Variants in EXTL3 observed in about 807,000 individuals in gnomAD.
The protein encoded by EXTL3 is exostosin-like 3.
Under a neutral mutation model 69.3 loss-of-function variants are expected in EXTL3, and 27 were observed. The ratio of observed to expected loss-of-function variants is 0.39; its 90% CI spans 0.29 to 0.54. The LOEUF (loss-of-function observed/expected upper bound fraction) is 0.54. EXTL3 is among the 20% of genes least tolerant of loss of function. The pLI, the probability that EXTL3 is intolerant of heterozygous loss-of-function variation, is 0.69. For synonymous variants in EXTL3, 511 were observed against 499.4 expected (o/e 1.02, Z -0.31); for missense variants, 1,003 against 1,231.8 (o/e 0.81, Z 2.78).
intron 1 of EXTL3, among the ~76,000 whole-genome samples, chr8:28,674,872 A>G (rs1807354148): frequency 1.3e-5 from 2 of 152,094 alleles, no homozygotes; most frequent in South Asian, 4.1e-4. Context: ...GAGAGGATGA[A>G]GCCTGCATTG....
At chr8:28,652,827 G>A (rs1388507864) in intron 1 of EXTL3, among the ~76,000 whole-genome samples, 1 of 152,064 alleles carries the variant, frequency 6.6e-6, no homozygotes, top group Non-Finnish European at 1.5e-5. Context: ...AGAAATGTCT[G>A]TTCAAGCTCT....
intron 3 of EXTL3, among the ~76,000 whole-genome samples, chr8:28,729,510 C>T (rs1801488062): frequency 7.4e-6 from 1 of 134,982 alleles, no homozygotes; most frequent in African/African-American, 2.8e-5. Flanking sequence ...GCAGGAGAAT[C>T]ACTTGAACTC....
intron 1 of EXTL3, among the ~76,000 whole-genome samples, chr8:28,642,591 C>T (rs73564737): frequency 0.023 from 3,520 of 151,866 alleles, 129 homozygotes; most frequent in African/African-American, 0.081. Flanking sequence ...GTACTCCAGT[C>T]GGGGAGACAG....
intron 1 of EXTL3, among the ~76,000 whole-genome samples, chr8:28,644,701 A>G (rs1340631826): frequency 6.6e-6 from 1 of 152,216 alleles, no homozygotes; most frequent in Non-Finnish European, 1.5e-5. Context: ...AAAGTAAATT[A>G]AAATGTTCAA....
intron 3 of EXTL3, among the ~76,000 whole-genome samples, chr8:28,721,014 A>G (rs1326179623): frequency 2.6e-5 from 4 of 152,166 alleles, no homozygotes; most frequent in Non-Finnish European, 5.9e-5. Context: ...AGGATATATC[A>G]GTGGTTTTCA....
chr8:28,684,884 A>G lies in EXTL3; in HGVS notation c.-52-28573A>G, dbSNP rs115367774. 9.8e-3 allele frequency among the ~76,000 whole-genome samples: 867 copies of G among 88,548 alleles called. 9 individuals are homozygous for G. The highest frequency in any genetic ancestry group is 0.035 in the African/African-American group (815 of 23,410). The allele number at this position is 88,548 out of a possible 152,430, so 58.1% of individuals were successfully genotyped here. A position where few individuals can be genotyped will look rare whatever the true frequency, so the allele number is the denominator to read the frequency against. ...TCTCTCTCTAGACACACATACGAAC[A>G]CAGACTATTTATCTGAAACATTTTA... On this transcript the variant is annotated intron_variant, in intron 1 of 6. Transcript: ENST00000523149.
intron 1 of EXTL3, among the ~76,000 whole-genome samples, chr8:28,683,470 G>A (rs890312401): frequency 6.6e-6 from 1 of 151,996 alleles, no homozygotes; most frequent in Non-Finnish European, 1.5e-5. Flanking sequence ...TATCCTTTAT[G>A]TTTCAAACAA....
chr8:28,621,587 A>G (rs968037645), upstream of EXTL3, among the ~76,000 whole-genome samples: 2 of 152,230 alleles, frequency 1.3e-5, no homozygotes, highest in African/African-American at 2.4e-5. Flanking sequence ...CAGACAAGCA[A>G]AATTGTCATA....
At chr8:28,700,109 T>G (rs915517611), upstream of EXTL3, 1 of 152,044 alleles carries the variant, frequency 6.6e-6, no homozygotes, top group Non-Finnish European at 1.5e-5. Flanking sequence ...TTTCCTGCAA[T>G]ACTTCTGATT....
At chr8:28,659,933 C>T (rs1189998807) in intron 1 of EXTL3, among the ~76,000 whole-genome samples, 2 of 152,086 alleles carry the variant, frequency 1.3e-5, no homozygotes, top group African/African-American at 4.8e-5. Flanking sequence ...CTTGAATATC[C>T]CCTGAAAGAA....
upstream of EXTL3, chr8:28,701,449 GC>G (rs1248630195): frequency 6.6e-6 from 1 of 151,854 alleles, no homozygotes; most frequent in African/African-American, 2.4e-5. Flanking sequence ...CCGCGCCCCC[GC>G]TCGCGAACGC....
At chr8:28,718,364 G>T (rs1422079364) in intron 3 of EXTL3, among the ~76,000 whole-genome samples, 157 bp downstream of exon 3, 1 of 152,132 alleles carries the variant, frequency 6.6e-6, no homozygotes, top group South Asian at 2.1e-4. Context: ...CTTCCTGAAG[G>T]GTTTGCTTGC....
At chr8:28,612,950 C>T (rs1417803188) in intron 2 of EXTL3, among the ~76,000 whole-genome samples, 1 of 152,158 alleles carries the variant, frequency 6.6e-6, no homozygotes, top group African/African-American at 2.4e-5. Flanking sequence ...AACTCCTGAG[C>T]TTATGTGTTC....
chr8:28,709,301 C>A (rs915630702), intron 1 of EXTL3, among the ~76,000 whole-genome samples: 11 of 152,150 alleles, frequency 7.2e-5, no homozygotes, highest in Admixed American at 7.2e-4. Flanking sequence ...TTTAACCCGG[C>A]ATACAGTAAG....
intron 1 of EXTL3, among the ~76,000 whole-genome samples, chr8:28,709,826 G>A (rs1201041368): frequency 6.6e-6 from 1 of 152,168 alleles, no homozygotes; most frequent in Non-Finnish European, 1.5e-5. Context: ...GCCCTGGTAC[G>A]TGGAGGTGGA....
intron 1 of EXTL3, among the ~76,000 whole-genome samples, chr8:28,661,101 G>A (rs1013971957): frequency 1.4e-4 from 21 of 151,670 alleles, no homozygotes; most frequent in Admixed American, 9.2e-4. Flanking sequence ...TTTTAGTAGA[G>A]ACGGGGTTTC....
chr8:28,645,875 T>A (rs1404967625), intron 1 of EXTL3, among the ~76,000 whole-genome samples: 1 of 151,680 alleles, frequency 6.6e-6, no homozygotes, highest in Non-Finnish European at 1.5e-5. Context: ...GATTGATTGA[T>A]TGATCGAGAC....
intron 1 of EXTL3, 26 bp from the exon 2 acceptor site, chr8:28,713,430 TG>T: frequency 1.5e-6 from 1 of 674,476 alleles, no homozygotes; most frequent in East Asian, 2.7e-5. Context: ...GTTCTATTTT[TG>T]TTTTTTGTTT....
chr8:28,630,751 T>C (rs895148676), intron 1 of EXTL3, among the ~76,000 whole-genome samples: 3 of 152,156 alleles, frequency 2.0e-5, no homozygotes, highest in African/African-American at 7.2e-5. Flanking sequence ...GTGCCTGCCA[T>C]TGAGAGGCTT....
Sources: gnomAD v4.1 joint callset for allele counts (sites outside exome capture counted in the v4.1 genomes callset) on GRCh38, gnomAD v4.1.1 for gene constraint, MANE v1.5 for transcripts, NCBI Gene and HGNC (gene_info 2026-07-23, HGNC 2026-07-21) for gene names.